The following HEMK2 variants were observed in gnomAD, a reference collection of about 807,000 sequenced individuals.
HEMK2 encodes HemK methyltransferase 2, ETF1 glutamine and histone H4 lysine.
chr21:28,763,891 A>C, the HEMK2 span, among the ~76,000 whole-genome samples: 1 of 150,728 alleles, frequency 6.6e-6, no homozygotes, highest in Non-Finnish European at 1.5e-5. Context: ...CACATGGAGC[A>C]GACTAGGGAG....
the HEMK2 span, chr21:28,885,167 G>GAAAGCCGCAACCCTTTCCCGTC: frequency 6.7e-7 from 1 of 1,495,528 alleles, no homozygotes; most frequent in East Asian, 2.6e-5. Flanking sequence ...CACTTCTTCA[G>GAAAGCCGCAACCCTTTCCCGTC]AAAGCCGCAA....
the HEMK2 span, among the ~76,000 whole-genome samples, chr21:28,627,147 C>T: frequency 2.6e-5 from 4 of 152,214 alleles, no homozygotes; most frequent in East Asian, 1.9e-4. Flanking sequence ...AAAGAACATA[C>T]GTAGTATGAT....
the HEMK2 span, among the ~76,000 whole-genome samples, chr21:28,711,209 C>A: frequency 2.0e-5 from 3 of 152,132 alleles, no homozygotes; most frequent in African/African-American, 4.8e-5. Flanking sequence ...AATACTATGT[C>A]CTCTTAATTA....
chr21:28,878,184 T>G, the HEMK2 span: 2 of 1,535,388 alleles, frequency 1.3e-6, no homozygotes, highest in Non-Finnish European at 1.8e-6. Context: ...TAAATTGGTC[T>G]GTATTACCTG....
At chr21:28,882,613 G>A in the HEMK2 span, among the ~76,000 whole-genome samples, 2 of 151,446 alleles carry the variant, frequency 1.3e-5, no homozygotes, top group African/African-American at 2.4e-5. Context: ...CACAGGAAAT[G>A]AAAAAAAACA....
the HEMK2 span, among the ~76,000 whole-genome samples, chr21:28,778,566 G>A: frequency 6.6e-6 from 1 of 152,166 alleles, no homozygotes; most frequent in Non-Finnish European, 1.5e-5. Context: ...AAGTGGTCAA[G>A]GTTCTCTGCA....
At chr21:28,748,476 T>C in the HEMK2 span, among the ~76,000 whole-genome samples, 69 of 152,334 alleles carry the variant, frequency 4.5e-4, 1 homozygote, top group East Asian at 0.011. Context: ...GGCAGTGACA[T>C]TGCTCTTCAC....
the HEMK2 span, among the ~76,000 whole-genome samples, chr21:28,842,550 C>T: frequency 0.076 from 11,516 of 152,146 alleles, 512 homozygotes; most frequent in African/African-American, 0.11. Context: ...TAGACCCAGA[C>T]GATACCTGGA....
At chr21:28,635,503 C>T in the HEMK2 span, among the ~76,000 whole-genome samples, 2 of 152,066 alleles carry the variant, frequency 1.3e-5, no homozygotes, top group African/African-American at 4.8e-5. Flanking sequence ...GTCATCATTA[C>T]CACTAAAAAT....
chr21:28,635,147 G>A, the HEMK2 span, among the ~76,000 whole-genome samples: 2 of 150,176 alleles, frequency 1.3e-5, no homozygotes, highest in African/African-American at 4.9e-5. Flanking sequence ...TTTCTCCCAG[G>A]CTGGCATGCA....
the HEMK2 span, among the ~76,000 whole-genome samples, chr21:28,647,211 C>T: frequency 1.3e-3 from 184 of 144,302 alleles, 1 homozygote; most frequent in African/African-American, 4.5e-3. Flanking sequence ...GGGGGCCGGG[C>T]GCAGTGGCTC....
the HEMK2 span, chr21:28,671,379 G>C: frequency 5.3e-5 from 8 of 152,182 alleles, no homozygotes; most frequent in East Asian, 5.8e-4. Context: ...ATGAGAGGAA[G>C]ATTTCAGGTT....
At chr21:28,706,171 T>C in the HEMK2 span, among the ~76,000 whole-genome samples, 1 of 152,170 alleles carries the variant, frequency 6.6e-6, no homozygotes, top group Non-Finnish European at 1.5e-5. Flanking sequence ...ATATTTGACG[T>C]AACTCTAAGT....
chr21:28,831,520 A>AAAGG, the HEMK2 span, among the ~76,000 whole-genome samples: 1 of 74,198 alleles, frequency 1.3e-5, no homozygotes, highest in South Asian at 4.4e-4. Context: ...AGAAAGAAAG[A>AAAGG]AAGAAGGAAA....
At chr21:28,881,902 T>C in the HEMK2 span, among the ~76,000 whole-genome samples, 2 of 152,266 alleles carry the variant, frequency 1.3e-5, no homozygotes, top group East Asian at 1.9e-4. Context: ...CATCCCAGAG[T>C]ACTGGGATTA....
chr21:28,841,054 T>C, the HEMK2 span, among the ~76,000 whole-genome samples: 2 of 53,250 alleles, frequency 3.8e-5, 1 homozygote, highest in Non-Finnish European at 6.0e-5. Flanking sequence ...TAAATAAATA[T>C]TATATATAAA....
the HEMK2 span, among the ~76,000 whole-genome samples, chr21:28,653,193 C>T: frequency 6.7e-6 from 1 of 148,960 alleles, no homozygotes; most frequent in Non-Finnish European, 1.5e-5. Flanking sequence ...AAAAATATTT[C>T]CTGGGTGAAG....
At chr21:28,634,911 C>G in the HEMK2 span, among the ~76,000 whole-genome samples, 1 of 152,084 alleles carries the variant, frequency 6.6e-6, no homozygotes, top group African/African-American at 2.4e-5. Flanking sequence ...TATTCTTGAA[C>G]ATTTCTTTAA....
the HEMK2 span, among the ~76,000 whole-genome samples, chr21:28,720,919 T>A: frequency 6.6e-6 from 1 of 152,264 alleles, no homozygotes; most frequent in South Asian, 2.1e-4. Flanking sequence ...TAGTAAATAA[T>A]CTGGTAATAA....
Sources: allele counts gnomAD v4.1 joint callset (sites outside exome capture counted in the v4.1 genomes callset), GRCh38; gene constraint gnomAD v4.1.1; transcripts MANE v1.5; gene names NCBI Gene and HGNC (gene_info 2026-07-23, HGNC 2026-07-21).